The following LYN variants were observed in gnomAD, a reference collection of about 807,000 sequenced individuals.
LYN encodes tyrosine-protein kinase Lyn.
A neutral mutation model predicts 65.0 loss-of-function variants in LYN; 12 were observed. The ratio of observed to expected loss-of-function variants is 0.18; its 90% CI spans 0.12 to 0.30. The LOEUF is 0.30. LYN is among the 10% of genes least tolerant of loss of function. LYN has a pLI of 1.00. For missense variants in LYN, 380 were observed against 623.2 expected, an observed-to-expected ratio of 0.61 and a Z score of 4.16; for synonymous variants, 222 against 221.2, an observed-to-expected ratio of 1.00 and a Z score of -0.03.
chr8:55,909,010 TACACACACACACACACAC>T lies in LYN; in HGVS notation c.-6+28932_-6+28949del, dbSNP rs369256669. ...GTATGTATATATATATATATATATA[TACACACACACACACACAC>T]ACACACACACACACACACACACACC... On this transcript the variant is annotated intron_variant, in intron 1 of 12. Coordinates refer to ENST00000519728, the MANE Select transcript of LYN (RefSeq NM_002350.4). Among the ~76,000 whole-genome samples, 151 of 32,232 alleles carry T rather than the reference TACACACACACACACACAC, an allele frequency of 4.7e-3. 20 individuals carry two copies. Among genetic ancestry groups the T allele is most frequent in the African/African-American group, 0.016 (135 of 8,706 alleles). 21.1% of individuals were successfully genotyped at this position (32,232 alleles called of 152,430 possible).
intron 10 of LYN, among the ~76,000 whole-genome samples, chr8:55,983,565 C>T (rs868384490): frequency 6.6e-6 from 1 of 151,508 alleles, no homozygotes. Flanking sequence ...TCCCACCCCT[C>T]GACCCCAGCA....
chr8:55,899,405 T>C (rs915642056), intron 1 of LYN, among the ~76,000 whole-genome samples: 1 of 152,242 alleles, frequency 6.6e-6, no homozygotes, highest in Non-Finnish European at 1.5e-5. Flanking sequence ...ATCACAGTTG[T>C]AATATGTGGA....
At chr8:55,938,580 A>G (rs775388152) in intron 1 of LYN, among the ~76,000 whole-genome samples, 6 of 152,188 alleles carry the variant, frequency 3.9e-5, no homozygotes, top group Non-Finnish European at 8.8e-5. Context: ...CCTGTTCCCT[A>G]CAATGTTACC....
intron 1 of LYN, among the ~76,000 whole-genome samples, chr8:55,907,335 C>T (rs1293444898): frequency 6.6e-6 from 1 of 152,076 alleles, no homozygotes; most frequent in Non-Finnish European, 1.5e-5. Context: ...CTATGATAAA[C>T]ATTATTTTCA....
chr8:55,977,929 A>C (rs886675558), intron 10 of LYN, among the ~76,000 whole-genome samples: 6 of 152,106 alleles, frequency 3.9e-5, no homozygotes, highest in African/African-American at 1.4e-4. Context: ...CTAAAAAAAC[A>C]AAACAAAAGC....
At chr8:55,928,347 T>C (rs746893716) in intron 1 of LYN, among the ~76,000 whole-genome samples, 2 of 152,198 alleles carry the variant, frequency 1.3e-5, no homozygotes, top group Non-Finnish European at 2.9e-5. Context: ...GGTTTCACCA[T>C]GTTGGCCAGG....
rs892756467 is a variant in LYN at position 55,904,238 on chromosome 8, A to G, written c.-6+24135A>G. Among the ~76,000 whole-genome samples the G allele has an allele frequency of 3.3e-5, 5 of 152,304 alleles. No homozygotes were observed. In the South Asian group the frequency reaches 8.3e-4, roughly 25 times the overall value. On this transcript the variant is annotated intron_variant, in intron 1 of 12. Transcript: ENST00000519728. ...TGAAGCTAATACTTTGTAAATACCA[A>G]CATTTTCTTTATGGCTATAGTGTAA...
At chr8:55,942,345 G>A (rs376003278) in intron 2 of LYN, among the ~76,000 whole-genome samples, 32 of 137,004 alleles carry the variant, frequency 2.3e-4, no homozygotes, top group African/African-American at 8.8e-4. Context: ...ATATATATGT[G>A]TATATATATG....
At chr8:55,996,325 G>T (rs906946046) in intron 10 of LYN, among the ~76,000 whole-genome samples, 2 of 152,168 alleles carry the variant, frequency 1.3e-5, no homozygotes, top group African/African-American at 4.8e-5. Flanking sequence ...CTAATCTTTT[G>T]CTAAGCAACG....
chr8:55,897,242 C>T lies in LYN; in HGVS notation c.-6+17139C>T, dbSNP rs117591251. On this transcript the variant is annotated intron_variant, in intron 1 of 12. Transcript: ENST00000519728. Reference sequence around the variant, plus strand: ...TACATTAGAACTTTGATTCATGTGACGCCTATCATGCCATATAAATGAAAA... The same window carrying T: ...TACATTAGAACTTTGATTCATGTGATGCCTATCATGCCATATAAATGAAAA... Among the ~76,000 whole-genome samples the T allele has an allele frequency of 2.0e-3, 311 of 152,216 alleles. 1 individual carries two copies. The highest frequency in any genetic ancestry group is 3.6e-3 in the Non-Finnish European group (244 of 68,022).
intron 1 of LYN, among the ~76,000 whole-genome samples, chr8:55,913,287 T>C (rs1421751074): frequency 6.6e-6 from 1 of 152,224 alleles, no homozygotes; most frequent in Non-Finnish European, 1.5e-5. Flanking sequence ...ATTCAGATTT[T>C]AGTAGGGGAC....
At position 56,012,123 on chromosome 8, in the gene LYN, C is replaced by T; in HGVS notation, c.*2013C>T. The T allele has an allele frequency of 5.2e-6, 1 of 191,400 alleles. No homozygotes were observed. Among genetic ancestry groups the T allele is most frequent in the East Asian group, 8.2e-5 (1 of 12,194 alleles). The allele number at this position is 191,400 out of a possible 1,614,324, so 11.9% of individuals were successfully genotyped here. On this transcript the variant is annotated 3_prime_UTR_variant, in exon 13 of 13. Coordinates refer to ENST00000519728, the MANE Select transcript of LYN (RefSeq NM_002350.4). ...TGTGATCCTTACCTCCATGTGGGCC[C>T]TTCACCAGCTTGGGCCTCATCTCTG... is the stretch of plus-strand genomic sequence containing the variant.
chr8:55,916,447 C>A (rs987756563), intron 1 of LYN, among the ~76,000 whole-genome samples: 11 of 152,130 alleles, frequency 7.2e-5, no homozygotes, highest in Non-Finnish European at 7.3e-5. Context: ...TGAAAGATTT[C>A]CATACATAAT....
At chr8:55,915,991 T>C (rs531659873) in intron 1 of LYN, among the ~76,000 whole-genome samples, 1 of 152,334 alleles carries the variant, frequency 6.6e-6, no homozygotes, top group South Asian at 2.1e-4. Flanking sequence ...ATTAATGGCA[T>C]CTTAATATTT....
In LYN at chr8:56,012,211, T is replaced by C. The variant is rs1180585106; in HGVS notation, c.*2101T>C. 1 of 182,076 alleles carries C rather than the reference T, an allele frequency of 5.5e-6. No individual in the cohort carries two copies. The highest frequency in any genetic ancestry group is 1.2e-5 in the Non-Finnish European group (1 of 85,528). 11.3% of individuals were successfully genotyped at this position (182,076 alleles called of 1,614,324 possible). On this transcript the variant is annotated 3_prime_UTR_variant, in exon 13 of 13. Transcript: ENST00000519728. The stretch of plus-strand genomic sequence containing the variant: ...GAACAGCACACACAGTCTCCTTACT[T>C]AGCTATAGGTTTCCAGCCTCCCTGT...
At chr8:55,986,157 C>T (rs925150103) in intron 10 of LYN, among the ~76,000 whole-genome samples, 3 of 150,672 alleles carry the variant, frequency 2.0e-5, no homozygotes, top group South Asian at 2.1e-4. Context: ...CAACAGAGAC[C>T]CTGTCTCAAA....
chr8:55,889,522 G>C (rs1290432296), intron 1 of LYN, among the ~76,000 whole-genome samples: 1 of 152,272 alleles, frequency 6.6e-6, no homozygotes, highest in South Asian at 2.1e-4. Context: ...TATATTTATC[G>C]AGTGCTGTAT....
chr8:55,903,422 G>T (rs1228891210), intron 1 of LYN, among the ~76,000 whole-genome samples: 1 of 152,226 alleles, frequency 6.6e-6, no homozygotes, highest in East Asian at 1.9e-4. Context: ...TCTATATCAT[G>T]CCCTGTGAGG....
intron 1 of LYN, among the ~76,000 whole-genome samples, chr8:55,903,090 G>T (rs770978844): frequency 6.6e-6 from 1 of 152,032 alleles, no homozygotes; most frequent in South Asian, 2.1e-4. Context: ...TTCGCGATCC[G>T]CCCACTTCAG....
Sources: gnomAD v4.1 joint callset for allele counts (sites outside exome capture counted in the v4.1 genomes callset) on GRCh38, gnomAD v4.1.1 for gene constraint, MANE v1.5 for transcripts, NCBI Gene and HGNC (gene_info 2026-07-23, HGNC 2026-07-21) for gene names.